GATA4: variants seen among roughly 807,000 people sequenced by gnomAD.
GATA4 encodes the protein transcription factor GATA-4.
Under a neutral mutation model 37.9 loss-of-function variants are expected in GATA4, and 7 were observed. The ratio of observed to expected loss-of-function variants is 0.18; its 90% CI spans 0.11 to 0.35. GATA4 has a LOEUF of 0.35. GATA4 is among the 10% of genes least tolerant of loss of function. The pLI is 1.00. For missense variants in GATA4, 647 were observed against 653.0 expected (o/e 0.99, Z 0.10); for synonymous variants, 372 against 292.6 (o/e 1.27, Z -2.77).
At chr8:11,719,173 G>A (rs1482297725) in intron 2 of GATA4, among the ~76,000 whole-genome samples, 1 of 150,648 alleles carries the variant, frequency 6.6e-6, no homozygotes. Context: ...GACCTTTTCA[G>A]ATATTTTATC....
intron 2 of GATA4, among the ~76,000 whole-genome samples, chr8:11,729,828 A>G (rs1004950433): frequency 1.3e-5 from 2 of 152,264 alleles, no homozygotes; most frequent in Non-Finnish European, 2.9e-5. Context: ...AGAAGGAAGG[A>G]AAATGAGGAG....
At chr8:11,756,301 C>G (rs945066391) in intron 5 of GATA4, among the ~76,000 whole-genome samples, 1 of 152,180 alleles carries the variant, frequency 6.6e-6, no homozygotes, top group African/African-American at 2.4e-5. Flanking sequence ...GGCATATTTC[C>G]TACTGGAATT....
At chr8:11,750,753 T>C (rs556811273) in intron 4 of GATA4, among the ~76,000 whole-genome samples, 17 of 126,832 alleles carry the variant, frequency 1.3e-4, no homozygotes, top group Admixed American at 5.3e-4. Context: ...GACAACATGG[T>C]GAAACTTTGT....
At chr8:11,686,868 C>A (rs954311704) in intron 1 of GATA4, among the ~76,000 whole-genome samples, 1 of 151,922 alleles carries the variant, frequency 6.6e-6, no homozygotes, top group Non-Finnish European at 1.5e-5. Context: ...CATGGTGGGG[C>A]GCGCCTGTAA....
Position 11,755,084 on chromosome 8 carries a change from A to G in GATA4, c.951A>G (p.Gln317=), listed in dbSNP as rs1802488729. 1 of 1,614,168 alleles carries G rather than the reference A, an allele frequency of 6.2e-7. No individual in the cohort carries two copies. Among genetic ancestry groups the G allele is most frequent in the East Asian group, 2.2e-5 (1 of 44,872 alleles). Residue 317 remains glutamine (Q), a synonymous_variant, in exon 5 of 7, where the codon CAA becomes CAG. Coordinates refer to ENST00000532059, the MANE Select transcript of GATA4 (RefSeq NM_001308093.3). ...TTGCAATGCGGAAAGAGGGGATCCA[A>G]ACCAGAAAACGGAAGCCCAAGAACC... ...RPLAMRKEGI[Q]TRKRKPKNLN... is the part of the protein sequence containing the mutation.
At chr8:11,685,135 A>G (rs76865481) in intron 1 of GATA4, among the ~76,000 whole-genome samples, 2,457 of 152,354 alleles carry the variant, frequency 0.016, 33 homozygotes, top group Non-Finnish European at 0.022. Flanking sequence ...AACTCTAAAC[A>G]ATAAGAGTTT....
intron 1 of GATA4, among the ~76,000 whole-genome samples, chr8:11,687,251 A>G (rs769045330): frequency 6.6e-6 from 1 of 152,064 alleles, no homozygotes; most frequent in Admixed American, 6.6e-5. Flanking sequence ...TGCTTTTCTT[A>G]TCGCTGTACC....
intron 2 of GATA4, among the ~76,000 whole-genome samples, chr8:11,725,523 T>C (rs1585632927): frequency 6.6e-6 from 1 of 152,330 alleles, no homozygotes; most frequent in Non-Finnish European, 1.5e-5. Flanking sequence ...TTTGCCTGGT[T>C]TCCTGTTGGG....
chr8:11,692,842 G>A (rs1799364767), intron 1 of GATA4: 3 of 980,592 alleles, frequency 3.1e-6, no homozygotes, highest in Non-Finnish European at 3.6e-6. Flanking sequence ...GGGGGCGGCC[G>A]GCCGGGGGCT....
intron 5 of GATA4, 171 bp from the exon 6 acceptor site, chr8:11,756,764 A>G: frequency 1.2e-6 from 1 of 839,406 alleles, no homozygotes; most frequent in South Asian, 1.4e-5. Context: ...TAGGGGGAAG[A>G]AGCCATCCCT....
At chr8:11,723,342 A>C (rs1347770572) in intron 2 of GATA4, among the ~76,000 whole-genome samples, 1 of 148,632 alleles carries the variant, frequency 6.7e-6, no homozygotes, top group Admixed American at 6.7e-5. Context: ...CCCTGTGTTA[A>C]AAAAAAAAAA....
Position 11,758,941 on chromosome 8 carries a change from C to G in GATA4, c.*466C>G. 3.8e-6 allele frequency: 1 copy of G among 266,106 alleles called. No homozygotes were observed. The highest frequency in any genetic ancestry group is 4.5e-5 in the South Asian group (1 of 22,362). The allele number at this position is 266,106 out of a possible 1,614,324, so 16.5% of individuals were successfully genotyped here. The stretch of plus-strand genomic sequence containing the variant: ...GACAGGCCCTTGCCCCATCCATCCG[C>G]TTGAGGCATGGCACCGCCCTGCATC... On this transcript the variant is annotated 3_prime_UTR_variant, in exon 7 of 7. Coordinates refer to ENST00000532059, the MANE Select transcript of GATA4 (RefSeq NM_001308093.3).
intron 2 of GATA4, among the ~76,000 whole-genome samples, chr8:11,730,335 A>G (rs1226258516): frequency 6.6e-6 from 1 of 152,240 alleles, no homozygotes; most frequent in Non-Finnish European, 1.5e-5. Flanking sequence ...ATTCTTGTGA[A>G]GATGAGTGAA....
intron 2 of GATA4, among the ~76,000 whole-genome samples, chr8:11,746,560 C>T (rs1260460303): frequency 6.6e-6 from 1 of 152,240 alleles, no homozygotes; most frequent in Non-Finnish European, 1.5e-5. Context: ...ACGTTGCCCG[C>T]GCCCGCCTCT....
At chr8:11,718,807 A>T (rs1021653263) in intron 2 of GATA4, among the ~76,000 whole-genome samples, 1 of 152,270 alleles carries the variant, frequency 6.6e-6, no homozygotes, top group East Asian at 1.9e-4. Context: ...GAACTGATCG[A>T]TAGCAACTGG....
chr8:11,685,654 T>A (rs1167210837), intron 1 of GATA4, among the ~76,000 whole-genome samples: 4 of 152,194 alleles, frequency 2.6e-5, no homozygotes, highest in African/African-American at 7.2e-5. Context: ...AGGAAGAGAT[T>A]CCCCTCCCCA....
At chr8:11,739,314 A>G (rs1801608836) in intron 2 of GATA4, among the ~76,000 whole-genome samples, 2 of 152,200 alleles carry the variant, frequency 1.3e-5, no homozygotes, top group African/African-American at 4.8e-5. Context: ...TTTTGTACTC[A>G]TTCCTCTACC....
chr8:11,683,804 A>G (rs1799054557), intron 1 of GATA4, among the ~76,000 whole-genome samples: 1 of 152,222 alleles, frequency 6.6e-6, no homozygotes, highest in African/African-American at 2.4e-5. Flanking sequence ...CATTCAGTGC[A>G]GGAATCCCTC....
intron 4 of GATA4, 50 bp from the exon 5 acceptor site, chr8:11,754,996 C>A (rs768164445): frequency 1.4e-6 from 2 of 1,412,218 alleles, no homozygotes; most frequent in Non-Finnish European, 2.0e-6. Context: ...AATGCTGTAG[C>A]AGACTACGCA....
Sources: gnomAD v4.1 joint callset for allele counts (sites outside exome capture counted in the v4.1 genomes callset) on GRCh38, gnomAD v4.1.1 for gene constraint, MANE v1.5 for transcripts, NCBI Gene and HGNC (gene_info 2026-07-23, HGNC 2026-07-21) for gene names.